PLK5: variants seen among roughly 807,000 people sequenced by gnomAD.
PLK5 encodes polo like kinase 5 (inactive).
A neutral mutation model predicts 33.7 loss-of-function variants in PLK5; 28 were observed. The observed-to-expected ratio is 0.83, with a 90% CI of 0.62 to 1.14. PLK5 has a LOEUF of 1.14. Ranked by LOEUF, PLK5 falls within the 50% of genes most tolerant of loss-of-function variation. The pLI is 0.00. For missense variants in PLK5, 492 were observed against 461.5 expected (o/e 1.07, Z -0.61); for synonymous variants, 225 against 202.2 (o/e 1.11, Z -0.96).
intron 9 of PLK5, 66 bp downstream of exon 9, chr19:1,529,040 C>A (rs1010479522): frequency 3.7e-6 from 5 of 1,361,572 alleles, no homozygotes; most frequent in Non-Finnish European, 2.9e-6. Context: ...CTGCTAAAAC[C>A]CCCTCCCCCA....
rs1248992893 is a variant in PLK5 at position 1,525,298 on chromosome 19, C to T, written c.-543-7C>T. 6.5e-6 allele frequency: 1 copy of T among 152,804 alleles called. No homozygotes were observed. Among genetic ancestry groups the T allele is most frequent in the African/African-American group, 2.4e-5 (1 of 41,460 alleles). The allele number at this position is 152,804 out of a possible 1,614,324, so 9.5% of individuals were successfully genotyped here. A position where few individuals can be genotyped will look rare whatever the true frequency, so the allele number is the denominator to read the frequency against. On this transcript the variant is annotated splice_region_variant and splice_polypyrimidine_tract_variant and intron_variant, in intron 1 of 13. Coordinates refer to ENST00000454744, the MANE Select transcript of PLK5 (RefSeq NM_001243079.2). ...CTGCCCACTGATCTGCTGACCCCTC[C>T]CCACAGGGCGCCTTCAGCCGCTGCT...
In PLK5 at chr19:1,527,912, G is replaced by A. The variant is rs1031303911; in HGVS notation, c.3-24G>A. 2.0e-6 allele frequency: 3 copies of A among 1,527,480 alleles called. No individual in the cohort carries two copies. The African/African-American group carries it at 4.1e-5, about 21-fold the overall frequency. 94.6% of individuals were successfully genotyped at this position (1,527,480 alleles called of 1,614,324 possible). ...CTCTGAGCGATGCCTGGACACCCAG[G>A]TTCTTGCCCCCCACCTGGCCCAGGT... is the stretch of plus-strand genomic sequence containing the variant. On this transcript the variant is annotated intron_variant, in intron 6 of 13. Transcript: ENST00000454744.
Position 1,527,950 on chromosome 19 carries a change from C to G in PLK5, c.17C>G (p.Thr6Ser), listed in dbSNP as rs1469860321. ...ACCTGGCCCAGGTACACGGTGCTGA[C>G]TGGCACCCCACCCTTCATGGCCTCA... MYTVL[T>S]GTPPFMASPL... Residue 6 changes from threonine (T) to serine (S), a missense_variant, in exon 7 of 14, where the codon ACT (threonine) becomes AGT (serine). Thr to Ser is a moderately conservative substitution (Grantham distance 58). Coordinates refer to ENST00000454744, the MANE Select transcript of PLK5 (RefSeq NM_001243079.2). 2 of 1,535,246 alleles carry G rather than the reference C, an allele frequency of 1.3e-6. No homozygotes were observed. Among genetic ancestry groups the G allele is most frequent in the Non-Finnish European group, 1.7e-6 (2 of 1,146,364 alleles).
At chr19:1,529,566 G>A (rs1253647757) in intron 10 of PLK5, 76 bp downstream of exon 10, 10 of 1,468,048 alleles carry the variant, frequency 6.8e-6, no homozygotes, top group South Asian at 1.2e-5. Flanking sequence ...GACCAAGGCC[G>A]TGGCTTACCA....
chr19:1,527,767 A>G (rs1375709077), intron 6 of PLK5, among the ~76,000 whole-genome samples, 169 bp from the exon 7 acceptor site: 1 of 151,888 alleles, frequency 6.6e-6, no homozygotes, highest in African/African-American at 2.4e-5. Context: ...GTGTCCACCA[A>G]GCAGCGTGCA....
Position 1,535,745 on chromosome 19 carries a change from C to G in PLK5, c.*495C>G. 5.9e-6 allele frequency: 1 copy of G among 168,164 alleles called. No individual in the cohort carries two copies. Among genetic ancestry groups the G allele is most frequent in the Non-Finnish European group, 1.3e-5 (1 of 79,138 alleles). 10.4% of individuals were successfully genotyped at this position (168,164 alleles called of 1,614,324 possible). ...AAAAAATTAGCTGGGCATGGTGGCA[C>G]GTGCCTGTAGTCCCAGCTACTTGGG... On this transcript the variant is annotated 3_prime_UTR_variant, in exon 14 of 14. Transcript: ENST00000454744.
intron 10 of PLK5, 84 bp downstream of exon 10, chr19:1,529,574 C>T: frequency 2.1e-6 from 3 of 1,451,730 alleles, no homozygotes; most frequent in Non-Finnish European, 2.8e-6. Flanking sequence ...CCGTGGCTTA[C>T]CAGGGTCACA....
intron 12 of PLK5, among the ~76,000 whole-genome samples, chr19:1,533,409 C>G (rs142502360): frequency 2.6e-5 from 4 of 152,058 alleles, no homozygotes; most frequent in Non-Finnish European, 1.5e-5. Context: ...ATCTTTCTAG[C>G]GGGAGTGACA....
At chr19:1,531,084 C>T (rs1012028667) in intron 11 of PLK5, among the ~76,000 whole-genome samples, 1 of 151,054 alleles carries the variant, frequency 6.6e-6, no homozygotes, top group Non-Finnish European at 1.5e-5. Context: ...GAGCGAGACC[C>T]TGTCTGAAAA....
At chr19:1,531,475 A>G (rs1913926104) in intron 11 of PLK5, among the ~76,000 whole-genome samples, 1 of 152,184 alleles carries the variant, frequency 6.6e-6, no homozygotes, top group Non-Finnish European at 1.5e-5. Flanking sequence ...TTTTCAGAGC[A>G]TTGCAAGTAT....
At chr19:1,534,155 G>GAAA (rs34242824) in intron 13 of PLK5, 114 bp downstream of exon 13, 466 of 528,094 alleles carry the variant, frequency 8.8e-4, no homozygotes, top group South Asian at 1.6e-3. Flanking sequence ...TGCCTCCCAG[G>GAAA]AAAAAAAAAA....
Position 1,529,458 on chromosome 19 carries a change from T to A in PLK5, c.458T>A (p.Val153Asp), listed in dbSNP as rs979929341. Residue 153 changes from valine to aspartate, a missense_variant, in exon 10 of 14, where the codon GTC (valine) becomes GAC (aspartate). Val to Asp is a radical substitution (Grantham distance 152). Transcript: ENST00000454744. ...TGCCTGGAAGGCCCCATCCACCTGG[T>A]CGCACAAGGGACCCTGCAGAGTGAC... ...VPCLEGPIHLVAQGTLQSDLA... is the reference protein window; with the variant it reads ...VPCLEGPIHLDAQGTLQSDLA... 15 of 1,535,906 alleles carry A rather than the reference T, an allele frequency of 9.8e-6. No individual in the cohort carries two copies. The highest frequency in any genetic ancestry group is 1.3e-5 in the Non-Finnish European group (15 of 1,146,862).
intron 11 of PLK5, 29 bp downstream of exon 11, chr19:1,529,853 C>A (rs79087066): frequency 7.2e-6 from 11 of 1,527,032 alleles, no homozygotes; most frequent in Non-Finnish European, 8.8e-6. Context: ...CCCAGGATCA[C>A]CTTTACTCTT....
Position 1,526,534 on chromosome 19 carries a change from G to A in PLK5, c.-264G>A, listed in dbSNP as rs1599302727. 3.5e-6 allele frequency: 1 copy of A among 289,584 alleles called. No individual in the cohort carries two copies. Among genetic ancestry groups the A allele is most frequent in the East Asian group, 1.2e-4 (1 of 8,304 alleles). 17.9% of individuals were successfully genotyped at this position (289,584 alleles called of 1,614,324 possible). A position where few individuals can be genotyped will look rare whatever the true frequency, so the allele number is the denominator to read the frequency against. ...GCGGCAGATCCTGACGGAGCCAGAA[G>A]TGCGCGACTACCTGCGGGGCCTGGT... On this transcript the variant is annotated 5_prime_UTR_variant, in exon 4 of 14. In the 5' UTR this introduces an upstream ATG that the reference lacks. Coordinates refer to ENST00000454744, the MANE Select transcript of PLK5 (RefSeq NM_001243079.2).
At chr19:1,529,134 C>T in intron 9 of PLK5, 160 bp downstream of exon 9, 1 of 699,344 alleles carries the variant, frequency 1.4e-6, no homozygotes, top group East Asian at 2.8e-5. Context: ...GAGCTGGGAT[C>T]CATTTGTGTC....
intron 9 of PLK5, 128 bp downstream of exon 9, chr19:1,529,102 CT>C (rs1424278006): frequency 7.6e-6 from 6 of 792,818 alleles, no homozygotes; most frequent in East Asian, 2.7e-5. Context: ...CCCCCTCCCC[CT>C]AGTCCCGTCC....
chr19:1,532,957 C>T (rs1479814025), intron 12 of PLK5, among the ~76,000 whole-genome samples: 4 of 151,736 alleles, frequency 2.6e-5, no homozygotes, highest in South Asian at 2.1e-4. Context: ...TGAGCCACCG[C>T]GCCTGGCCAA....
intron 13 of PLK5, among the ~76,000 whole-genome samples, chr19:1,534,446 G>A (rs1267113432): frequency 6.7e-6 from 1 of 149,162 alleles, no homozygotes; most frequent in East Asian, 2.0e-4. Context: ...GGCGGAGGTT[G>A]CAGTGAGCCG....
chr19:1,531,709 T>C (rs1394290153), intron 11 of PLK5, 29 bp from the exon 12 acceptor site: 1 of 1,535,656 alleles, frequency 6.5e-7, no homozygotes, highest in Non-Finnish European at 8.7e-7. Flanking sequence ...CCCTGACCCC[T>C]GGCTCAGCAT....
Sources: allele counts gnomAD v4.1 joint callset (sites outside exome capture counted in the v4.1 genomes callset), GRCh38; gene constraint gnomAD v4.1.1; transcripts MANE v1.5; gene names NCBI Gene and HGNC (gene_info 2026-07-23, HGNC 2026-07-21).